The following TRIM34 variants were observed in gnomAD, a reference collection of about 807,000 sequenced individuals.
The protein encoded by TRIM34 is tripartite motif containing 34, also known as E3 ubiquitin-protein ligase TRIM34.
A neutral mutation model predicts 38.1 loss-of-function variants in TRIM34; 41 were observed. The ratio of observed to expected loss-of-function variants is 1.08; its 90% CI spans 0.84 to 1.40. The LOEUF is 1.40. Among genes scored for constraint, TRIM34 ranks in the 40% most tolerant of loss-of-function variants. The pLI is 0.00. For missense variants in TRIM34, 556 were observed against 571.4 expected, an observed-to-expected ratio of 0.97 and a Z score of 0.27; for synonymous variants, 200 against 202.5, an observed-to-expected ratio of 0.99 and a Z score of 0.10.
chr11:5,643,248 T>C lies in TRIM34; in HGVS notation c.1006T>C (p.Tyr336His). The C allele has an allele frequency of 6.2e-7, 1 of 1,614,020 alleles. No individual in the cohort carries two copies. The highest frequency in any genetic ancestry group is 8.5e-7 in the Non-Finnish European group (1 of 1,179,992). ...VPIWPFQCYN[Y>H]GVLGSQYFSS... ...AATTTGGCCTTTTCAGTGTTATAAT[T>C]ATGGTGTCTTGGGATCCCAATATTT... Residue 336 changes from tyrosine (Y) to histidine (H), a missense_variant, in exon 8 of 8, where the codon TAT (tyrosine) becomes CAT (histidine). Tyr to His is a moderately conservative substitution (Grantham distance 83). Transcript: ENST00000429814.
chr11:5,636,041 C>G (rs547204720), intron 4 of TRIM34, among the ~76,000 whole-genome samples: 2 of 152,264 alleles, frequency 1.3e-5, no homozygotes, highest in South Asian at 4.1e-4. Flanking sequence ...TACCTATATA[C>G]CTAGAAGAAC....
At chr11:5,637,427 T>C (rs1461293403) in intron 4 of TRIM34, among the ~76,000 whole-genome samples, 1 of 152,194 alleles carries the variant, frequency 6.6e-6, no homozygotes, top group African/African-American at 2.4e-5. Flanking sequence ...AAAAATTAGA[T>C]GAGATTTTAG....
rs906052422 is a variant in TRIM34 at position 5,643,424 on chromosome 11, A to G, written c.1182A>G (p.Leu394=). ...RQNLYTKYRP[L]FGYWVIGLQN... is the part of the protein sequence containing the mutation. ...ATCTTTACACCAAATACAGACCTCT[A>G]TTTGGCTACTGGGTTATAGGGTTAC... Residue 394 remains leucine, a synonymous_variant, in exon 8 of 8, where the codon CTA becomes CTG. Transcript: ENST00000429814. 7.4e-6 allele frequency: 12 copies of G among 1,614,070 alleles called. No individual in the cohort carries two copies. The highest frequency in any genetic ancestry group is 6.7e-5 in the African/African-American group (5 of 74,914).
chr11:5,620,284 T>A (rs1043145311), upstream of TRIM34, among the ~76,000 whole-genome samples: 1 of 142,550 alleles, frequency 7.0e-6, no homozygotes, highest in Non-Finnish European at 1.5e-5. Context: ...TTCTATGGAT[T>A]CTCCTGCCTC....
At chr11:5,629,731 G>A (rs888642862) in intron 1 of TRIM34, among the ~76,000 whole-genome samples, 1 of 152,188 alleles carries the variant, frequency 6.6e-6, no homozygotes, top group Admixed American at 6.5e-5. Context: ...TTTTTGAGAC[G>A]GAGTCTCGCT....
intron 7 of TRIM34, 77 bp downstream of exon 7, chr11:5,642,920 A>T: frequency 6.3e-7 from 1 of 1,585,808 alleles, no homozygotes; most frequent in South Asian, 1.1e-5. Context: ...ATATCTTCTG[A>T]TCTTAGCCTC....
chr11:5,625,620 C>T (rs750571147), intron 1 of TRIM34, among the ~76,000 whole-genome samples: 15 of 152,262 alleles, frequency 9.9e-5, no homozygotes, highest in African/African-American at 3.1e-4. Flanking sequence ...GCCATCCTCA[C>T]GTATTCTTAG....
chr11:5,643,532 C>G lies in TRIM34; in HGVS notation c.1290C>G (p.Pro430=). The G allele has an allele frequency of 3.1e-6, 5 of 1,614,178 alleles. No individual in the cohort carries two copies. The highest frequency in any genetic ancestry group is 4.2e-6 in the Non-Finnish European group (5 of 1,180,030). Residue 430 remains proline (P), a synonymous_variant, in exon 8 of 8, where the codon CCC becomes CCG. Coordinates refer to ENST00000429814, the MANE Select transcript of TRIM34 (RefSeq NM_021616.6). ...TGACTCTCTCCATGGCTGTGCCTCC[C>G]TGCCGTGTTGGGGTTTTCCTCGACT... The part of the protein sequence containing the change: ...EVLTLSMAVP[P]CRVGVFLDYE...
intron 4 of TRIM34, among the ~76,000 whole-genome samples, chr11:5,635,763 T>C (rs1849709423): frequency 6.6e-6 from 1 of 152,232 alleles, no homozygotes. Flanking sequence ...CCCAGCTTTT[T>C]TTAAATTCCT....
intron 4 of TRIM34, among the ~76,000 whole-genome samples, chr11:5,639,678 T>TGAAAAAAAA (rs1849906580): frequency 6.0e-5 from 1 of 16,736 alleles, no homozygotes; most frequent in African/African-American, 1.2e-4. Context: ...AGACTCTATT[T>TGAAAAAAAA]CAAAAAAAAA....
chr11:5,633,654 T>A (rs1849588848), intron 2 of TRIM34, 150 bp from the exon 3 acceptor site: 2 of 667,918 alleles, frequency 3.0e-6, no homozygotes. Context: ...CTCCTCAAAA[T>A]TTTCCCCATG....
Position 5,632,344 on chromosome 11 carries a change from A to G in TRIM34, c.13A>G (p.Ile5Val), listed in dbSNP as rs776016986. The G allele has an allele frequency of 3.7e-6, 6 of 1,614,102 alleles. No homozygotes were observed. The Admixed American group carries it at 1.0e-4, about 27-fold the overall frequency. MASK[I>V]LLNVQEEVTC... ...GGGAAGCAGTGCAATGGCTTCAAAA[A>G]TCTTGCTTAACGTACAAGAGGAGGT... is the stretch of plus-strand genomic sequence containing the variant. The change falls in exon 2 of 8, where the codon ATC becomes GTC. Residue 5 changes from isoleucine (I) to valine (V), a missense_variant. Ile to Val is a conservative substitution (Grantham distance 29). Transcript: ENST00000429814.
chr11:5,643,582 T>G lies in TRIM34; in HGVS notation c.1340T>G (p.Phe447Cys). The change falls in exon 8 of 8, where the codon TTC (phenylalanine) becomes TGC (cysteine). Residue 447 changes from phenylalanine (F) to cysteine (C), a missense_variant. Physicochemically the swap from Phe to Cys is radical, Grantham distance 205. Coordinates refer to ENST00000429814, the MANE Select transcript of TRIM34 (RefSeq NM_021616.6). ...TATGAAGCAGGCATTGTCTCATTTT[T>G]CAATGTCACAAGCCATGGCTCCCTC... Reference protein sequence around the residue: ...LDYEAGIVSFFNVTSHGSLIY... With the variant: ...LDYEAGIVSFCNVTSHGSLIY... The G allele has an allele frequency of 6.2e-7, 1 of 1,614,152 alleles. No individual in the cohort carries two copies. The highest frequency in any genetic ancestry group is 8.5e-7 in the Non-Finnish European group (1 of 1,180,008).
intron 3 of TRIM34, 79 bp from the exon 4 acceptor site, chr11:5,634,552 C>A (rs1383794533): frequency 1.6e-4 from 148 of 921,586 alleles, no homozygotes; most frequent in East Asian, 3.6e-4. Flanking sequence ...TATATATTTC[C>A]CTACTGGCTC....
At chr11:5,636,246 CATT>C (rs1178511799) in intron 4 of TRIM34, among the ~76,000 whole-genome samples, 2 of 152,112 alleles carry the variant, frequency 1.3e-5, no homozygotes, top group Non-Finnish European at 2.9e-5. Flanking sequence ...ACCTTGAAAA[CATT>C]ATAATTGAAA....
Position 5,632,701 on chromosome 11 carries a change from G to C in TRIM34, c.370G>C (p.Glu124Gln). 1 of 1,612,426 alleles carries C rather than the reference G, an allele frequency of 6.2e-7. No homozygotes were observed. Among genetic ancestry groups the C allele is most frequent in the Non-Finnish European group, 8.5e-7 (1 of 1,179,756 alleles). ...VICWLCERSQ[E>Q]HRGHHTVLTE... Reference sequence around the variant, plus strand: ...TTGCTGGCTTTGTGAGCGGTCTCAGGAGCACCGTGGTCACCACACAGTCCT... The same window carrying C: ...TTGCTGGCTTTGTGAGCGGTCTCAGCAGCACCGTGGTCACCACACAGTCCT... The change falls in exon 2 of 8, where the codon GAG (glutamate) becomes CAG (glutamine). Residue 124 changes from glutamate (E) to glutamine (Q), a missense_variant. Transcript: ENST00000429814.
chr11:5,630,419 T>TG, intron 1 of TRIM34, among the ~76,000 whole-genome samples: 1 of 152,124 alleles, frequency 6.6e-6, no homozygotes, highest in Non-Finnish European at 1.5e-5. Context: ...CACCTCCTAT[T>TG]CATTGGAAAG....
chr11:5,635,598 C>G (rs561672942), intron 4 of TRIM34, among the ~76,000 whole-genome samples: 2 of 152,124 alleles, frequency 1.3e-5, no homozygotes, highest in Non-Finnish European at 2.9e-5. Context: ...GAATATTGAG[C>G]CTTTTGGGGA....
At chr11:5,622,451 A>AC (rs1298569081), upstream of TRIM34, among the ~76,000 whole-genome samples, 1 of 149,014 alleles carries the variant, frequency 6.7e-6, no homozygotes, top group East Asian at 2.1e-4. Context: ...TCTCAAAAAA[A>AC]AAAAAAAGAA....
Sources: gnomAD v4.1 joint callset for allele counts (sites outside exome capture counted in the v4.1 genomes callset) on GRCh38, gnomAD v4.1.1 for gene constraint, MANE v1.5 for transcripts, NCBI Gene and HGNC (gene_info 2026-07-23, HGNC 2026-07-21) for gene names.